C2CD2L: variants seen among roughly 807,000 people sequenced by gnomAD.
The protein encoded by C2CD2L is phospholipid transfer protein C2CD2L.
Under a neutral mutation model 69.9 loss-of-function variants are expected in C2CD2L, and 24 were observed. The observed-to-expected ratio is 0.34, with a 90% CI of 0.25 to 0.48. The LOEUF (loss-of-function observed/expected upper bound fraction) is 0.48. Ranked by LOEUF, C2CD2L falls within the 20% of genes least tolerant of loss-of-function variation. The probability of loss-of-function intolerance (pLI) is 0.99; values close to 1 mark genes in which losing one functional copy is unlikely to be tolerated. For synonymous variants in C2CD2L, 367 were observed against 391.0 expected (o/e 0.94, Z 0.72); for missense variants, 811 against 941.5 (o/e 0.86, Z 1.81).
Position 119,116,355 on chromosome 11 carries a change from T to C in C2CD2L, c.*99T>C, listed in dbSNP as rs1592246460. On this transcript the variant is annotated 3_prime_UTR_variant, in exon 14 of 14. Transcript: ENST00000648610. ...TCCAGTGCCTGGGCCAGGAAAGCCC[T>C]CTGGGTTCCGGGAAGCCCCGTCCAC... 6 of 1,043,544 alleles carry C rather than the reference T, an allele frequency of 5.7e-6. No individual in the cohort carries two copies. In the South Asian group the frequency reaches 7.1e-5, roughly 12 times the overall value. The allele number at this position is 1,043,544 out of a possible 1,614,324, so 64.6% of individuals were successfully genotyped here. A position where few individuals can be genotyped will look rare whatever the true frequency, so the allele number is the denominator to read the frequency against.
rs2134948336 is a variant in C2CD2L, at chr11:119,110,059, G to A, written c.355-45G>A. ...CAACTGAGCAGGCCAACCCTGTGGG[G>A]GGCAGCTCCAGAGACCTGATCCAAT... On this transcript the variant is annotated intron_variant, in intron 1 of 13. Coordinates refer to ENST00000648610, the MANE Select transcript of C2CD2L (RefSeq NM_001290474.2). The surrounding 1 kb of genome is among the most constrained non-coding windows in gnomAD (Gnocchi z 5.7). 3 of 1,402,770 alleles carry A rather than the reference G, an allele frequency of 2.1e-6. No homozygotes were observed. Among genetic ancestry groups the A allele is most frequent in the Middle Eastern group, 3.5e-4 (2 of 5,662 alleles). The allele number at this position is 1,402,770 out of a possible 1,614,324, so 86.9% of individuals were successfully genotyped here.
In C2CD2L at chr11:119,116,173, G is replaced by C. The variant is rs758834133; in HGVS notation, c.2038G>C (p.Gly680Arg). 2 of 1,614,224 alleles carry C rather than the reference G, an allele frequency of 1.2e-6. No individual in the cohort carries two copies. Among genetic ancestry groups the C allele is most frequent in the Admixed American group, 3.3e-5 (2 of 60,028 alleles). The change falls in exon 14 of 14, where the codon GGC becomes CGC. Residue 680 changes from glycine to arginine, a missense_variant. Coordinates refer to ENST00000648610, the MANE Select transcript of C2CD2L (RefSeq NM_001290474.2). ...TATPSVRKKA[G>R]SFSRRLIKRF... ...CACGCCCAGTGTCCGAAAGAAGGCC[G>C]GCAGCTTTTCTCGCCGCCTTATCAA...
rs1332477870 is a variant in C2CD2L at position 119,108,068 on chromosome 11, G to C, written c.327G>C (p.Ala109=). 1.9e-6 allele frequency: 3 copies of C among 1,598,812 alleles called. No individual in the cohort carries two copies. Among genetic ancestry groups the C allele is most frequent in the Non-Finnish European group, 2.6e-6 (3 of 1,173,996 alleles). The change falls in exon 1 of 14, where the codon GCG becomes GCC. Residue 109 remains alanine, a synonymous_variant. Transcript: ENST00000648610. ...ACTGGCAGCGGGCTTGGGTGCGAGC[G>C]CTGAACGAGCAGGCCTGCAGAAACG... ...RENWQRAWVR[A]LNEQACRNGS...
In C2CD2L at chr11:119,117,620, G is replaced by A. The variant is rs1946925620; in HGVS notation, c.*1364G>A. The A allele has an allele frequency of 2.0e-5, 3 of 152,204 alleles. No individual in the cohort carries two copies. In the South Asian group the frequency reaches 6.2e-4, roughly 31 times the overall value. The allele number at this position is 152,204 out of a possible 1,614,324, so 9.4% of individuals were successfully genotyped here. A position where few individuals can be genotyped will look rare whatever the true frequency, so the allele number is the denominator to read the frequency against. ...CTGTTGCCTCAGAAGAAACTGGGAG[G>A]GGGAAGTCTTAGAAGTGTTTCAACA... On this transcript the variant is annotated 3_prime_UTR_variant, in exon 14 of 14. Coordinates refer to ENST00000648610, the MANE Select transcript of C2CD2L (RefSeq NM_001290474.2).
rs1187607737 is a variant in C2CD2L, at chr11:119,114,613, C to T, written c.1909+248C>T. ...CCTCCATTGTTCTTTCTTCCTGAGT[C>T]TAAGTGCCATTTTTCCTGCCCTTTA... On this transcript the variant is annotated intron_variant, in intron 13 of 13. Coordinates refer to ENST00000648610, the MANE Select transcript of C2CD2L (RefSeq NM_001290474.2). This position sits in a 1 kb window ranked among gnomAD's most constrained non-coding sequence, Gnocchi z 5.1. 3 of 529,030 alleles carry T rather than the reference C, an allele frequency of 5.7e-6. No homozygotes were observed. The highest frequency in any genetic ancestry group is 2.0e-5 in the African/African-American group (1 of 50,146). 32.8% of individuals were successfully genotyped at this position (529,030 alleles called of 1,614,324 possible).
intron 7 of C2CD2L, 82 bp downstream of exon 7, chr11:119,111,711 C>G: frequency 1.0e-6 from 1 of 969,878 alleles, no homozygotes; most frequent in Non-Finnish European, 1.5e-6. Context: ...CAGGAATCAG[C>G]TCTGTTTTCA....
In C2CD2L at chr11:119,110,603, G is replaced by C; in HGVS notation, c.493G>C (p.Val165Leu). The C allele has an allele frequency of 6.2e-7, 1 of 1,611,644 alleles. No individual in the cohort carries two copies. The highest frequency in any genetic ancestry group is 8.5e-7 in the Non-Finnish European group (1 of 1,179,578). ...QLSAEEVRFP[V>L]SVTQQSPAAV... ...CTCTGCTGAGGAGGTGCGGTTCCCA[G>C]TCTCTGTGACCCAGCAGTCCCCCGC... Residue 165 changes from valine to leucine, a missense_variant, in exon 3 of 14, where the codon GTC (valine) becomes CTC (leucine). Coordinates refer to ENST00000648610, the MANE Select transcript of C2CD2L (RefSeq NM_001290474.2). The surrounding 1 kb of genome is among the most constrained non-coding windows in gnomAD (Gnocchi z 5.7).
chr11:119,108,000 G>A lies in C2CD2L; in HGVS notation c.259G>A (p.Gly87Ser), dbSNP rs868377502. The change falls in exon 1 of 14, where the codon GGC (glycine) becomes AGC (serine). Residue 87 changes from glycine (G) to serine (S), a missense_variant. Coordinates refer to ENST00000648610, the MANE Select transcript of C2CD2L (RefSeq NM_001290474.2). The surrounding 1 kb of genome is among the most constrained non-coding windows in gnomAD (Gnocchi z 5.4). ...AGAAEEPGVR[G>S]LLASLFAFKS... ...CGCCGCCGAGGAGCCAGGAGTCCGG[G>A]GCCTCCTGGCGTCACTCTTCGCCTT... is the stretch of plus-strand genomic sequence containing the variant. 6.3e-7 allele frequency: 1 copy of A among 1,584,456 alleles called. No individual in the cohort carries two copies. Among genetic ancestry groups the A allele is most frequent in the Non-Finnish European group, 8.6e-7 (1 of 1,168,880 alleles).
chr11:119,108,962 G>A (rs1946665254), intron 1 of C2CD2L, among the ~76,000 whole-genome samples: 1 of 152,194 alleles, frequency 6.6e-6, no homozygotes. Context: ...ATGTCCACAA[G>A]AAATTGCTCT....
rs1565774716 is a variant in C2CD2L, at chr11:119,111,539, G to GTGTAGC, written c.932_937dup (p.Val311_Ala312dup). 6.2e-7 allele frequency: 1 copy of GTGTAGC among 1,614,202 alleles called. No homozygotes were observed. On this transcript the variant is annotated inframe_insertion, in exon 7 of 14. Transcript: ENST00000648610. ...ATCACAGGCACCGAGGAACTGTGCT[G>GTGTAGC]TGTAGCTGAACTCGACAACCCCATG...
chr11:119,117,892 G>T lies in C2CD2L; in HGVS notation c.*1636G>T, dbSNP rs1294484661. ...TCAGTTTCCTCATATCTAAAATAAG[G>T]GTGACCTGGATAAACATTCAGGTCA... On this transcript the variant is annotated 3_prime_UTR_variant, in exon 14 of 14. Coordinates refer to ENST00000648610, the MANE Select transcript of C2CD2L (RefSeq NM_001290474.2). 6.6e-6 allele frequency: 1 copy of T among 151,946 alleles called. No homozygotes were observed. Among genetic ancestry groups the T allele is most frequent in the Non-Finnish European group, 1.5e-5 (1 of 67,984 alleles). 9.4% of individuals were successfully genotyped at this position (151,946 alleles called of 1,614,324 possible). A position where few individuals can be genotyped will look rare whatever the true frequency, so the allele number is the denominator to read the frequency against.
upstream of C2CD2L, among the ~76,000 whole-genome samples, chr11:119,105,194 C>G (rs1946558936): frequency 6.6e-6 from 1 of 152,160 alleles, no homozygotes; most frequent in Non-Finnish European, 1.5e-5. Context: ...ATATTTGGAG[C>G]ATCTTGGTTG....
At chr11:119,104,716 C>T (rs4938629), upstream of C2CD2L, among the ~76,000 whole-genome samples, 141,355 of 152,294 alleles carry the variant, frequency 0.93, 65,822 homozygotes, top group Non-Finnish European at 0.95. Flanking sequence ...GAGATGCACA[C>T]CTCTTCTAAG....
chr11:119,105,902 C>G (rs1275079925), upstream of C2CD2L, among the ~76,000 whole-genome samples: 1 of 152,180 alleles, frequency 6.6e-6, no homozygotes, highest in East Asian at 1.9e-4. Context: ...GCATAACCTG[C>G]TCCCCTAAAC....
In C2CD2L at chr11:119,114,428, G is replaced by A. The variant is rs1049679483; in HGVS notation, c.1909+63G>A. 1 of 1,531,124 alleles carries A rather than the reference G, an allele frequency of 6.5e-7. No individual in the cohort carries two copies. Among genetic ancestry groups the A allele is most frequent in the African/African-American group, 1.4e-5 (1 of 73,496 alleles). The allele number at this position is 1,531,124 out of a possible 1,614,324, so 94.8% of individuals were successfully genotyped here. On this transcript the variant is annotated intron_variant, in intron 13 of 13. Coordinates refer to ENST00000648610, the MANE Select transcript of C2CD2L (RefSeq NM_001290474.2). The surrounding 1 kb of genome is among the most constrained non-coding windows in gnomAD (Gnocchi z 5.1). Reference sequence around the variant, plus strand: ...TTTATACACATATCATGACCTGGGGGACCTCGAGCCAGTGTGCCTTCTCCT... The same window carrying A: ...TTTATACACATATCATGACCTGGGGAACCTCGAGCCAGTGTGCCTTCTCCT...
intron 5 of C2CD2L, 21 bp downstream of exon 5, chr11:119,111,189 A>G: frequency 6.2e-7 from 1 of 1,612,120 alleles, no homozygotes; most frequent in East Asian, 2.2e-5. Flanking sequence ...ACCCAAAGCA[A>G]AAGATTTGCA....
chr11:119,107,987 G>GC lies in C2CD2L; in HGVS notation c.248dup (p.Gly84ArgfsTer43). On this transcript the variant is annotated frameshift_variant, in exon 1 of 14. Transcript: ENST00000648610. LOFTEE classifies it high-confidence loss of function. The surrounding 1 kb of genome is among the most constrained non-coding windows in gnomAD (Gnocchi z 5.4). ...CGACTCGGGCTGGCGCCGCCGAGGA[G>GC]CCAGGAGTCCGGGGCCTCCTGGCGT... is the stretch of plus-strand genomic sequence containing the variant. 1.3e-6 allele frequency: 2 copies of GC among 1,572,734 alleles called. No individual in the cohort carries two copies. Among genetic ancestry groups the GC allele is most frequent in the Non-Finnish European group, 1.7e-6 (2 of 1,164,530 alleles).
Position 119,114,092 on chromosome 11 carries a change from C to G in C2CD2L, c.1636C>G (p.Gln546Glu), listed in dbSNP as rs559481720. The stretch of plus-strand genomic sequence containing the variant: ...TCCCTCCTGCCAGGTGCCCATTGCT[C>G]AGGACGAGTTGGCGCTATCCCTGGG... ...ISGVSKVPIA[Q>E]DELALSLGYA... The change falls in exon 13 of 14, where the codon CAG (glutamine) becomes GAG (glutamate). Residue 546 changes from glutamine to glutamate, a missense_variant. By Grantham distance (29) the Gln-to-Glu change is conservative. Coordinates refer to ENST00000648610, the MANE Select transcript of C2CD2L (RefSeq NM_001290474.2). The surrounding 1 kb of genome is among the most constrained non-coding windows in gnomAD (Gnocchi z 5.1). 6.2e-7 allele frequency: 1 copy of G among 1,614,118 alleles called. No homozygotes were observed. Among genetic ancestry groups the G allele is most frequent in the South Asian group, 1.1e-5 (1 of 91,084 alleles).
In C2CD2L at chr11:119,109,114, T is replaced by C. The variant is rs1946668440; in HGVS notation, c.355-990T>C. 6.6e-6 allele frequency among the ~76,000 whole-genome samples: 1 copy of C among 152,216 alleles called. No individual in the cohort carries two copies. Among genetic ancestry groups the C allele is most frequent in the Non-Finnish European group, 1.5e-5 (1 of 68,036 alleles). ...CCAGGATAGCTGACTCAACTGGACA[T>C]TGGCCTCCCTTGCAGAGGGTGGGGA... is the stretch of plus-strand genomic sequence containing the variant. On this transcript the variant is annotated intron_variant, in intron 1 of 13. Transcript: ENST00000648610. This position sits in a 1 kb window ranked among gnomAD's most constrained non-coding sequence, Gnocchi z 5.1.
Sources: gnomAD v4.1 joint callset for allele counts (sites outside exome capture counted in the v4.1 genomes callset) on GRCh38, gnomAD v4.1.1 for gene constraint, Gnocchi (gnomAD v3.1) non-coding constraint, MANE v1.5 for transcripts, NCBI Gene and HGNC (gene_info 2026-07-23, HGNC 2026-07-21) for gene names.